Variants in WDR7 observed in about 807,000 individuals in gnomAD.
WDR7 encodes the protein WD repeat domain 7, also known as WD repeat-containing protein 7.
In WDR7, 46 loss-of-function variants were observed where a neutral mutation model predicts 169.4. That is an observed-to-expected ratio of 0.27 (90% CI 0.21 to 0.35). The LOEUF (loss-of-function observed/expected upper bound fraction) is 0.35. WDR7 is among the 10% of genes least tolerant of loss of function. The pLI is 1.00. For missense variants in WDR7, 1,534 were observed against 1,859.3 expected (o/e 0.83, Z 3.22); for synonymous variants, 612 against 666.8 (o/e 0.92, Z 1.27).
chr18:56,859,676 A>T (rs1482032214), intron 20 of WDR7, among the ~76,000 whole-genome samples: 1 of 152,226 alleles, frequency 6.6e-6, no homozygotes, highest in African/African-American at 2.4e-5. Context: ...ATAATTTCGA[A>T]CACCTTGTGT....
At chr18:56,997,119 T>C (rs766793176) in intron 26 of WDR7, among the ~76,000 whole-genome samples, 7 of 152,238 alleles carry the variant, frequency 4.6e-5, no homozygotes, top group Middle Eastern at 3.4e-3. Context: ...ATTGAGACCT[T>C]AAAAAATCAA....
rs192494965 is a variant in WDR7, at chr18:56,678,644, G to A, written c.160-688G>A. On this transcript the variant is annotated intron_variant, in intron 2 of 27. Transcript: ENST00000254442. ...CCTGAGTAGCTGGAATTACAGGTGC[G>A]CGCCACCACGCCTGGCTAATTTTTG... is the stretch of plus-strand genomic sequence containing the variant. 1.2e-3 allele frequency among the ~76,000 whole-genome samples: 184 copies of A among 152,160 alleles called. No individual in the cohort carries two copies. The Middle Eastern group carries it at 0.014, about 11-fold the overall frequency.
intron 26 of WDR7, among the ~76,000 whole-genome samples, chr18:56,974,313 CCCTTTTCCTTTCCTTTTCCTTTT>C (rs938117395): frequency 2.0e-5 from 3 of 151,584 alleles, no homozygotes; most frequent in African/African-American, 7.3e-5. Context: ...CTTGTCCTTT[CCCTTTTCCTTTCCTTTTCCTTTT>C]CCTTTTCCTT....
intron 20 of WDR7, among the ~76,000 whole-genome samples, chr18:56,839,371 T>G (rs1401373891): frequency 6.6e-6 from 1 of 152,202 alleles, no homozygotes; most frequent in Non-Finnish European, 1.5e-5. Flanking sequence ...TTCACTAGAT[T>G]ATTTTAAAGC....
intron 21 of WDR7, among the ~76,000 whole-genome samples, chr18:56,922,514 T>C (rs1004988739): frequency 3.9e-5 from 6 of 152,214 alleles, no homozygotes; most frequent in African/African-American, 1.4e-4. Flanking sequence ...AATTATATGG[T>C]TAAATACAAA....
chr18:56,870,206 A>AT (rs1031880241), intron 20 of WDR7, among the ~76,000 whole-genome samples: 1 of 152,038 alleles, frequency 6.6e-6, no homozygotes, highest in Non-Finnish European at 1.5e-5. Context: ...TGTTTTTAAG[A>AT]TTTTTTTCCT....
chr18:56,659,604 A>G (rs1412454631), intron 1 of WDR7, among the ~76,000 whole-genome samples: 1 of 152,246 alleles, frequency 6.6e-6, no homozygotes, highest in Non-Finnish European at 1.5e-5. Context: ...TAAAAAGGTA[A>G]TATTTTATAG....
chr18:56,770,842 G>A (rs2044143952), intron 16 of WDR7, among the ~76,000 whole-genome samples: 2 of 151,296 alleles, frequency 1.3e-5, no homozygotes, highest in South Asian at 4.2e-4. Context: ...TTTCTATATT[G>A]CTTCTAAACG....
At chr18:56,976,064 C>G (rs773500075) in intron 26 of WDR7, among the ~76,000 whole-genome samples, 1 of 152,060 alleles carries the variant, frequency 6.6e-6, no homozygotes, top group Non-Finnish European at 1.5e-5. Context: ...GGTGTGCTGT[C>G]CACACCGTTG....
At chr18:56,918,531 A>C (rs2046662493) in intron 21 of WDR7, among the ~76,000 whole-genome samples, 2 of 152,310 alleles carry the variant, frequency 1.3e-5, no homozygotes, top group African/African-American at 2.4e-5. Context: ...TTTTATAAAC[A>C]TTAGAGAATA....
intron 22 of WDR7, among the ~76,000 whole-genome samples, chr18:56,926,443 T>G (rs558657011): frequency 6.6e-6 from 1 of 152,346 alleles, no homozygotes; most frequent in African/African-American, 2.4e-5. Context: ...AAACACAATT[T>G]CAGTAGTATA....
intron 20 of WDR7, among the ~76,000 whole-genome samples, chr18:56,822,772 T>C (rs2045120908): frequency 6.6e-6 from 1 of 152,204 alleles, no homozygotes; most frequent in African/African-American, 2.4e-5. Flanking sequence ...ATATTAAGGC[T>C]CTTAGTAATT....
intron 20 of WDR7, among the ~76,000 whole-genome samples, chr18:56,820,900 T>TA (rs1260294425): frequency 1.3e-5 from 2 of 152,202 alleles, no homozygotes; most frequent in Non-Finnish European, 2.9e-5. Context: ...ACATGATTGA[T>TA]ACCTAGTGTC....
At chr18:56,679,470 A>T in intron 3 of WDR7, 32 bp downstream of exon 3, 5 of 1,539,498 alleles carry the variant, frequency 3.2e-6, no homozygotes, top group Non-Finnish European at 4.5e-6. Context: ...TCTTTTTCTC[A>T]TGAGTCTTTA....
intron 21 of WDR7, among the ~76,000 whole-genome samples, chr18:56,918,445 A>T (rs1305751584): frequency 2.0e-5 from 3 of 152,200 alleles, no homozygotes; most frequent in African/African-American, 7.2e-5. Flanking sequence ...TCTTTTGGAT[A>T]TCATAGACTA....
intron 23 of WDR7, among the ~76,000 whole-genome samples, chr18:56,938,075 G>A (rs1014231236): frequency 6.6e-6 from 1 of 152,124 alleles, no homozygotes; most frequent in Non-Finnish European, 1.5e-5. Context: ...AAGTGGAGGG[G>A]ATTAGTCTTG....
chr18:56,955,820 T>C (rs2047243048), intron 25 of WDR7, among the ~76,000 whole-genome samples: 1 of 152,134 alleles, frequency 6.6e-6, no homozygotes, highest in South Asian at 2.1e-4. Context: ...GTTCCCCTGT[T>C]CCATATCAGG....
intron 1 of WDR7, among the ~76,000 whole-genome samples, chr18:56,668,175 C>A (rs2025061576): frequency 6.6e-6 from 1 of 152,168 alleles, no homozygotes; most frequent in South Asian, 2.1e-4. Context: ...AAATTAAAGT[C>A]CAAACTCTTG....
At chr18:56,975,150 C>T (rs1432252553) in intron 26 of WDR7, among the ~76,000 whole-genome samples, 8 of 151,826 alleles carry the variant, frequency 5.3e-5, no homozygotes, top group South Asian at 2.1e-4. Context: ...GCAGGAGAAT[C>T]GCTTGAACCT....
Sources: allele counts gnomAD v4.1 joint callset (sites outside exome capture counted in the v4.1 genomes callset), GRCh38; gene constraint gnomAD v4.1.1; transcripts MANE v1.5; gene names NCBI Gene and HGNC (gene_info 2026-07-23, HGNC 2026-07-21).